Variants in DNAH6 observed in about 807,000 individuals in gnomAD.
DNAH6 encodes axonemal beta dynein heavy chain 6.
DNAH6 carries 340 observed loss-of-function variants against 491.4 expected under a neutral mutation model. The ratio of observed to expected loss-of-function variants is 0.69; its 90% CI spans 0.63 to 0.76. DNAH6 has a LOEUF of 0.76. DNAH6 is among the 30% of genes least tolerant of loss of function. DNAH6 has a pLI of 0.00. For missense variants in DNAH6, 4,443 were observed against 4,972.2 expected (o/e 0.89, Z 3.20); for synonymous variants, 1,603 against 1,686.1 (o/e 0.95, Z 1.21).
Position 84,722,789 on chromosome 2 carries a change from A to C in DNAH6, c.9957A>C (p.Leu3319Phe), listed in dbSNP as rs761860432. 1.3e-6 allele frequency: 2 copies of C among 1,496,654 alleles called. No homozygotes were observed. The highest frequency in any genetic ancestry group is 2.7e-5 in the South Asian group (2 of 74,956). 92.7% of individuals were successfully genotyped at this position (1,496,654 alleles called of 1,614,324 possible). A position where few individuals can be genotyped will look rare whatever the true frequency, so the allele number is the denominator to read the frequency against. ...TAGATCCTATGTACCAGTACTCATT[A>C]AAATACTTTAAACAGGTAAGTGTGT... Reference protein sequence around the residue: ...SEIDPMYQYSLKYFKQLFNTT... With the variant: ...SEIDPMYQYSFKYFKQLFNTT... Residue 3319 changes from leucine (L) to phenylalanine (F), a missense_variant, in exon 60 of 77, where the codon TTA (leucine) becomes TTC (phenylalanine). This residue lies in a region of DNAH6 where 1,463 missense variants were observed against 1,656.6 expected (regional missense o/e 0.88). Transcript: ENST00000389394.
Position 84,584,183 on chromosome 2 carries a change from G to T in DNAH6, c.2414G>T (p.Cys805Phe), listed in dbSNP as rs778509105. The part of the protein sequence containing the change: ...GDRESSIKQF[C>F]VHLGSDLEEL... ...AGAGAATCAAGCATTAAGCAATTTT[G>T]TGTGCATTTGGGTAGTGATCTTGAA... The change falls in exon 15 of 77, where the codon TGT (cysteine) becomes TTT (phenylalanine). Residue 805 changes from cysteine (C) to phenylalanine (F), a missense_variant. This residue lies in a region of DNAH6 where 2,977 missense variants were observed against 3,296.6 expected (regional missense o/e 0.90). Coordinates refer to ENST00000389394, the MANE Select transcript of DNAH6 (RefSeq NM_001370.2). 1.2e-6 allele frequency: 2 copies of T among 1,614,168 alleles called. No homozygotes were observed. Among genetic ancestry groups the T allele is most frequent in the Non-Finnish European group, 1.7e-6 (2 of 1,180,030 alleles).
chr2:84,610,489 T>G (rs1686219326), intron 21 of DNAH6, among the ~76,000 whole-genome samples: 1 of 152,148 alleles, frequency 6.6e-6, no homozygotes, highest in South Asian at 2.1e-4. Flanking sequence ...GGAAGAATGC[T>G]CATTGTTGCT....
intron 63 of DNAH6, among the ~76,000 whole-genome samples, chr2:84,756,090 C>G (rs1284246334): frequency 6.6e-6 from 1 of 152,136 alleles, no homozygotes; most frequent in African/African-American, 2.4e-5. Context: ...TGTAAATTGC[C>G]CAGTCTTGGG....
chr2:84,600,597 A>C (rs867132278), intron 18 of DNAH6, among the ~76,000 whole-genome samples: 3 of 152,102 alleles, frequency 2.0e-5, no homozygotes, highest in African/African-American at 7.2e-5. Flanking sequence ...AATATCCTTC[A>C]ATTTGGATTT....
chr2:84,597,464 T>C (rs1294150462), intron 18 of DNAH6, among the ~76,000 whole-genome samples: 5 of 152,094 alleles, frequency 3.3e-5, no homozygotes, highest in Admixed American at 3.3e-4. Flanking sequence ...GGAATAAGTG[T>C]TGTAGGGAAT....
chr2:84,472,470 T>C, the DNAH6 span, among the ~76,000 whole-genome samples: 2 of 152,030 alleles, frequency 1.3e-5, no homozygotes, highest in Non-Finnish European at 2.9e-5. Flanking sequence ...AAAATGTGAA[T>C]AGGTATCTAC....
chr2:84,580,474 T>C (rs1682911223), intron 14 of DNAH6, among the ~76,000 whole-genome samples: 1 of 152,228 alleles, frequency 6.6e-6, no homozygotes, highest in Non-Finnish European at 1.5e-5. Context: ...ATTCATATTA[T>C]GTTGGCATTT....
At chr2:84,470,674 C>T in the DNAH6 span, among the ~76,000 whole-genome samples, 4 of 152,164 alleles carry the variant, frequency 2.6e-5, no homozygotes, top group South Asian at 2.1e-4. Context: ...GTGCTGACCT[C>T]GTATCTCATC....
At chr2:84,490,729 T>C in the DNAH6 span, among the ~76,000 whole-genome samples, 1 of 152,134 alleles carries the variant, frequency 6.6e-6, no homozygotes, top group African/African-American at 2.4e-5. Context: ...ACTCGGCTAA[T>C]TTTTATATCT....
intron 40 of DNAH6, 137 bp from the exon 41 acceptor site, chr2:84,676,868 T>C: frequency 1.1e-6 from 1 of 937,210 alleles, no homozygotes; most frequent in African/African-American, 1.7e-5. Context: ...CTTGGAGTGA[T>C]TGTGAGAATT....
chr2:84,511,560 G>A (rs1675331614), upstream of DNAH6, among the ~76,000 whole-genome samples: 1 of 152,124 alleles, frequency 6.6e-6, no homozygotes, highest in Non-Finnish European at 1.5e-5. Context: ...GCTCACTCTC[G>A]GTGCGCTGCA....
At chr2:84,486,025 T>TG in the DNAH6 span, among the ~76,000 whole-genome samples, 1 of 152,182 alleles carries the variant, frequency 6.6e-6, no homozygotes, top group Non-Finnish European at 1.5e-5. Flanking sequence ...GATAAATACT[T>TG]GCGATACTAA....
At chr2:84,671,183 C>G (rs1201281368) in intron 39 of DNAH6, among the ~76,000 whole-genome samples, 1 of 152,202 alleles carries the variant, frequency 6.6e-6, no homozygotes, top group South Asian at 2.1e-4. Context: ...ATGGGCCTCT[C>G]TGTGGCTGGT....
intron 63 of DNAH6, among the ~76,000 whole-genome samples, chr2:84,748,247 C>G (rs1348577852): frequency 6.6e-6 from 1 of 152,206 alleles, no homozygotes; most frequent in Non-Finnish European, 1.5e-5. Context: ...AAGCACGCTA[C>G]AAATTTTCCA....
chr2:84,481,466 A>T, the DNAH6 span, among the ~76,000 whole-genome samples: 2 of 152,168 alleles, frequency 1.3e-5, no homozygotes, highest in African/African-American at 4.8e-5. Context: ...GCTCACTAAC[A>T]TGTGGAAAAG....
At chr2:84,709,261 C>CA in intron 54 of DNAH6, 82 bp from the exon 55 acceptor site, 1 of 1,399,176 alleles carries the variant, frequency 7.1e-7, no homozygotes, top group Non-Finnish European at 9.8e-7. Flanking sequence ...CACTGACTTA[C>CA]CACTGCCCAC....
At chr2:84,643,933 T>C (rs80126449) in intron 33 of DNAH6, among the ~76,000 whole-genome samples, 10,437 of 151,998 alleles carry the variant, frequency 0.069, 1,192 homozygotes, top group African/African-American at 0.24. Context: ...TTTGTTTTTG[T>C]TTTTTTGCCT....
At chr2:84,745,884 G>A (rs1459786745) in intron 63 of DNAH6, among the ~76,000 whole-genome samples, 1 of 152,082 alleles carries the variant, frequency 6.6e-6, no homozygotes, top group African/African-American at 2.4e-5. Context: ...ATGGAGAGGA[G>A]ACATTTGAAG....
chr2:84,790,242 A>G (rs2105260296), intron 68 of DNAH6, among the ~76,000 whole-genome samples: 1 of 152,354 alleles, frequency 6.6e-6, no homozygotes, highest in African/African-American at 2.4e-5. Flanking sequence ...CCCTTATACC[A>G]TACACAAAAA....
Sources: gnomAD v4.1 joint callset for allele counts (sites outside exome capture counted in the v4.1 genomes callset) on GRCh38, gnomAD v4.1.1 for gene constraint, gnomAD v4.1.1 regional missense constraint, MANE v1.5 for transcripts, NCBI Gene and HGNC (gene_info 2026-07-23, HGNC 2026-07-21) for gene names.